The following JMJD7 variants were observed in gnomAD, a reference collection of about 807,000 sequenced individuals.
JMJD7 encodes the protein jumonji domain containing 7.
A neutral mutation model predicts 41.1 loss-of-function variants in JMJD7; 41 were observed. That is an observed-to-expected ratio of 1.00 (90% CI 0.78 to 1.30). The LOEUF is 1.30. Ranked by LOEUF, JMJD7 falls within the 50% of genes most tolerant of loss-of-function variation. The pLI, the probability that JMJD7 is intolerant of heterozygous loss-of-function variation, is 0.00. For missense variants in JMJD7, 480 were observed against 420.7 expected, an observed-to-expected ratio of 1.14 and a Z score of -1.23; for synonymous variants, 202 against 177.2, an observed-to-expected ratio of 1.14 and a Z score of -1.11.
rs1197216014 is a variant in JMJD7, at chr15:41,828,257, C to T, written c.64+69C>T. 2.8e-6 allele frequency: 4 copies of T among 1,444,146 alleles called. No individual in the cohort carries two copies. The South Asian group carries it at 4.5e-5, about 16-fold the overall frequency. The allele number at this position is 1,444,146 out of a possible 1,614,324, so 89.5% of individuals were successfully genotyped here. On this transcript the variant is annotated intron_variant, in intron 1 of 7. Transcript: ENST00000397299. ...AGGGGCCCTGGGATGCCGCTGACAC[C>T]GGGGGCTCGGAACCTCGTGTGTGCG...
intron 1 of JMJD7, among the ~76,000 whole-genome samples, chr15:41,833,779 A>G (rs923021084): frequency 2.0e-5 from 3 of 152,124 alleles, no homozygotes; most frequent in East Asian, 1.9e-4. Context: ...ACGGAAAGGG[A>G]TATAAAGATT....
rs189920112 is a variant in JMJD7, at chr15:41,836,773, G to A, written c.703-8G>A. 7.5e-3 allele frequency: 11,996 copies of A among 1,602,660 alleles called. 63 individuals carry two copies. Among genetic ancestry groups the A allele is most frequent in the Non-Finnish European group, 9.1e-3 (10,735 of 1,175,020 alleles). The stretch of plus-strand genomic sequence containing the variant: ...GGGGCTGCTCCCTGGCATCTGATGT[G>A]TTCCCAGGTGCCCTGGATCCCACTG... On this transcript the variant is annotated splice_polypyrimidine_tract_variant and splice_region_variant and intron_variant, in intron 6 of 7. Transcript: ENST00000397299.
intron 7 of JMJD7, 33 bp from the exon 8 acceptor site, chr15:41,837,035 A>T: frequency 1.9e-6 from 3 of 1,609,014 alleles, no homozygotes; most frequent in African/African-American, 1.3e-5. Context: ...CAGAAGAGGG[A>T]TCTTCATGCT....
In JMJD7 at chr15:41,837,230, G is replaced by A. The variant is rs530433141; in HGVS notation, c.*74G>A. The A allele has an allele frequency of 6.6e-6, 7 of 1,056,124 alleles. No homozygotes were observed. The highest frequency in any genetic ancestry group is 4.7e-5 in the African/African-American group (3 of 63,574). The allele number at this position is 1,056,124 out of a possible 1,614,324, so 65.4% of individuals were successfully genotyped here. On this transcript the variant is annotated 3_prime_UTR_variant, in exon 8 of 8. Transcript: ENST00000397299. The stretch of plus-strand genomic sequence containing the variant: ...CCCCTCCCTGGCCAGGTCAATTCTC[G>A]AGAGAGCCTGGAGTGTGCATGCTGG...
At position 41,836,117 on chromosome 15, in the gene JMJD7, C is replaced by G. The variant is rs1406041732; in HGVS notation, c.530-31C>G. 4.5e-6 allele frequency: 7 copies of G among 1,564,730 alleles called. No homozygotes were observed. In the African/African-American group the frequency reaches 5.4e-5, roughly 12 times the overall value. ...TCCTCCCGTGCCCCTGCCCTCCATA[C>G]CCTGCCCCCGGGCCTTCTTTCTGTT... On this transcript the variant is annotated intron_variant, in intron 4 of 7. Transcript: ENST00000397299.
intron 1 of JMJD7, among the ~76,000 whole-genome samples, chr15:41,833,414 A>ATATATTTTTT (rs1239528383): frequency 1.6e-4 from 5 of 32,012 alleles, no homozygotes; most frequent in African/African-American, 3.8e-4. Context: ...ATATATATAT[A>ATATATTTTTT]TTTTTTTTTT....
intron 1 of JMJD7, among the ~76,000 whole-genome samples, chr15:41,833,193 T>C (rs1380404064): frequency 6.6e-6 from 1 of 151,956 alleles, no homozygotes; most frequent in Non-Finnish European, 1.5e-5. Flanking sequence ...AACCAGCTAG[T>C]TCACTACTGC....
intron 1 of JMJD7, among the ~76,000 whole-genome samples, chr15:41,832,948 G>A (rs2065250257): frequency 6.6e-6 from 1 of 152,156 alleles, no homozygotes; most frequent in Non-Finnish European, 1.5e-5. Flanking sequence ...CTGGAACAAA[G>A]GTACCACCTG....
At chr15:41,830,782 G>C (rs752341071) in intron 1 of JMJD7, among the ~76,000 whole-genome samples, 1 of 152,228 alleles carries the variant, frequency 6.6e-6, no homozygotes, top group African/African-American at 2.4e-5. Flanking sequence ...AGTTGAGGCC[G>C]AGCCTGGGTG....
chr15:41,828,112 C>G lies in JMJD7; in HGVS notation c.-13C>G. 6.9e-7 allele frequency: 1 copy of G among 1,441,212 alleles called. No individual in the cohort carries two copies. The highest frequency in any genetic ancestry group is 9.1e-7 in the Non-Finnish European group (1 of 1,100,158). 89.3% of individuals were successfully genotyped at this position (1,441,212 alleles called of 1,614,324 possible). On this transcript the variant is annotated 5_prime_UTR_variant, in exon 1 of 8. Coordinates refer to ENST00000397299, the MANE Select transcript of JMJD7 (RefSeq NM_001114632.2). ...CGGGGAAAGGCGGGGTCTCGGCCGG[C>G]GCTGACGCAGCCATGGCGGAGGCGG... is the stretch of plus-strand genomic sequence containing the variant.
In JMJD7 at chr15:41,837,443, G is replaced by A. The variant is rs950488910; in HGVS notation, c.*287G>A. The A allele has an allele frequency of 1.2e-5, 6 of 489,358 alleles. No homozygotes were observed. Among genetic ancestry groups the A allele is most frequent in the East Asian group, 1.0e-4 (3 of 29,300 alleles). The allele number at this position is 489,358 out of a possible 1,614,324, so 30.3% of individuals were successfully genotyped here. ...GCTGTGATGTTGGGCGAGTCACTGC[G>A]TCTCGGGCATTGGTGTCCTGTCAGT... On this transcript the variant is annotated 3_prime_UTR_variant, in exon 8 of 8. Transcript: ENST00000397299.
At chr15:41,833,841 T>C (rs899498360) in intron 1 of JMJD7, among the ~76,000 whole-genome samples, 1 of 152,060 alleles carries the variant, frequency 6.6e-6, no homozygotes, top group African/African-American at 2.4e-5. Flanking sequence ...GAGAAGGAAG[T>C]CTTATCAATG....
chr15:41,837,495 C>A lies in JMJD7; in HGVS notation c.*339C>A. On this transcript the variant is annotated 3_prime_UTR_variant, in exon 8 of 8. Transcript: ENST00000397299. ...AAGAGATAATAATGGCTGTACCTCG[C>A]GGGGCTGTTGTGGGCTTGGAGATGA... 3.1e-6 allele frequency: 1 copy of A among 320,430 alleles called. No individual in the cohort carries two copies. Among genetic ancestry groups the A allele is most frequent in the Non-Finnish European group, 5.8e-6 (1 of 173,614 alleles). 19.8% of individuals were successfully genotyped at this position (320,430 alleles called of 1,614,324 possible).
At chr15:41,835,722 G>T (rs1385096215) in intron 4 of JMJD7, 78 bp downstream of exon 4, 4 of 1,516,276 alleles carry the variant, frequency 2.6e-6, no homozygotes, top group Non-Finnish European at 3.6e-6. Context: ...AGGAGTGGAG[G>T]GATGGCCCTG....
chr15:41,834,636 T>A, intron 1 of JMJD7, 104 bp from the exon 2 acceptor site: 2 of 1,506,068 alleles, frequency 1.3e-6, no homozygotes, highest in Non-Finnish European at 1.8e-6. Flanking sequence ...AACGAGCATT[T>A]CCCAGTGACA....
intron 4 of JMJD7, 56 bp from the exon 5 acceptor site, chr15:41,836,092 T>C: frequency 6.6e-7 from 1 of 1,517,190 alleles, no homozygotes; most frequent in Non-Finnish European, 8.9e-7. Context: ...ATGGTTTGCC[T>C]CCTCCCGTGC....
In JMJD7 at chr15:41,837,417, C is replaced by T. The variant is rs764579057; in HGVS notation, c.*261C>T. ...CAGGTGCAGCGGCACCTCTCCCCAG[C>T]GCTGTGATGTTGGGCGAGTCACTGC... On this transcript the variant is annotated 3_prime_UTR_variant, in exon 8 of 8. Transcript: ENST00000397299. The T allele has an allele frequency of 2.5e-5, 13 of 526,672 alleles. No individual in the cohort carries two copies. The highest frequency in any genetic ancestry group is 4.9e-4 in the Middle Eastern group (1 of 2,024). 32.6% of individuals were successfully genotyped at this position (526,672 alleles called of 1,614,324 possible). A position where few individuals can be genotyped will look rare whatever the true frequency, so the allele number is the denominator to read the frequency against.
At position 41,837,139 on chromosome 15, in the gene JMJD7, G is replaced by A. The variant is rs755299975; in HGVS notation, c.934G>A (p.Ala312Thr). 2.5e-6 allele frequency: 4 copies of A among 1,612,228 alleles called. No individual in the cohort carries two copies. Among genetic ancestry groups the A allele is most frequent in the South Asian group, 1.1e-5 (1 of 90,766 alleles). Residue 312 changes from alanine (A) to threonine (T), a missense_variant, in exon 8 of 8, where the codon GCT (alanine) becomes ACT (threonine). Physicochemically the swap from Ala to Thr is moderately conservative, Grantham distance 58. Transcript: ENST00000397299. Reference protein sequence around the residue: ...YFQLLDSLTKASGLD With the variant: ...YFQLLDSLTKTSGLD ...CCAGCTGCTCGACTCCCTCACCAAGGCTTCAGGCCTTGACTGATGGAGCAC... is the reference window on the plus strand; with the variant it reads ...CCAGCTGCTCGACTCCCTCACCAAGACTTCAGGCCTTGACTGATGGAGCAC...
In JMJD7 at chr15:41,837,230, G is replaced by C. The variant is rs530433141; in HGVS notation, c.*74G>C. The C allele has an allele frequency of 9.5e-7, 1 of 1,056,008 alleles. No individual in the cohort carries two copies. The allele number at this position is 1,056,008 out of a possible 1,614,324, so 65.4% of individuals were successfully genotyped here. On this transcript the variant is annotated 3_prime_UTR_variant, in exon 8 of 8. Coordinates refer to ENST00000397299, the MANE Select transcript of JMJD7 (RefSeq NM_001114632.2). The stretch of plus-strand genomic sequence containing the variant: ...CCCCTCCCTGGCCAGGTCAATTCTC[G>C]AGAGAGCCTGGAGTGTGCATGCTGG...
Sources: gnomAD v4.1 joint callset for allele counts (sites outside exome capture counted in the v4.1 genomes callset) on GRCh38, gnomAD v4.1.1 for gene constraint, MANE v1.5 for transcripts, NCBI Gene and HGNC (gene_info 2026-07-23, HGNC 2026-07-21) for gene names.